Variants in CACNA2D3 observed in about 807,000 individuals in gnomAD.
CACNA2D3 encodes the protein calcium voltage-gated channel auxiliary subunit alpha2delta 3, also known as voltage-dependent calcium channel subunit alpha-2/delta-3.
CACNA2D3 carries 60 observed loss-of-function variants against 160.6 expected under a neutral mutation model. The ratio of observed to expected loss-of-function variants is 0.37; its 90% confidence interval spans 0.30 to 0.46. The LOEUF (loss-of-function observed/expected upper bound fraction) is 0.46. CACNA2D3 is among the 20% of genes least tolerant of loss of function. The probability of loss-of-function intolerance (pLI) is 1.00; values close to 1 mark genes in which losing one functional copy is unlikely to be tolerated. For missense variants in CACNA2D3, 1,205 were observed against 1,365.0 expected, an observed-to-expected ratio of 0.88 and a Z score of 1.85; for synonymous variants, 558 against 492.9, an observed-to-expected ratio of 1.13 and a Z score of -1.75.
At chr3:54,466,218 C>T (rs1700623225) in intron 4 of CACNA2D3, among the ~76,000 whole-genome samples, 1 of 152,172 alleles carries the variant, frequency 6.6e-6, no homozygotes, top group Admixed American at 6.5e-5. Flanking sequence ...GGATAGGAAT[C>T]TTGGATGGGA....
chr3:54,813,770 C>T (rs764632587), intron 13 of CACNA2D3, among the ~76,000 whole-genome samples: 6 of 151,674 alleles, frequency 4.0e-5, no homozygotes, highest in Non-Finnish European at 5.9e-5. Context: ...TACATAGTCA[C>T]TAGAGTTGTG....
At chr3:54,421,304 A>G (rs1699833213) in intron 4 of CACNA2D3, among the ~76,000 whole-genome samples, 1 of 152,204 alleles carries the variant, frequency 6.6e-6, no homozygotes, top group Non-Finnish European at 1.5e-5. Flanking sequence ...TTGCAAAAGA[A>G]ATGTTCTAGA....
intron 11 of CACNA2D3, among the ~76,000 whole-genome samples, chr3:54,731,383 G>T (rs1020371801): frequency 6.6e-6 from 1 of 152,114 alleles, no homozygotes; most frequent in Non-Finnish European, 1.5e-5. Context: ...AGGTTCTTCA[G>T]ACCCTCATAC....
intron 11 of CACNA2D3, among the ~76,000 whole-genome samples, chr3:54,700,497 G>T (rs1700748589): frequency 1.3e-5 from 2 of 152,220 alleles, no homozygotes; most frequent in Admixed American, 6.5e-5. Context: ...TGACAACCAT[G>T]TCAGCACAAA....
At chr3:54,511,584 A>G (rs1354421251) in intron 5 of CACNA2D3, among the ~76,000 whole-genome samples, 1 of 152,134 alleles carries the variant, frequency 6.6e-6, no homozygotes, top group Non-Finnish European at 1.5e-5. Context: ...TCAGGATCTA[A>G]TTTGTTTGTA....
intron 17 of CACNA2D3, among the ~76,000 whole-genome samples, chr3:54,867,279 G>A (rs1447387689): frequency 6.6e-6 from 1 of 152,122 alleles, no homozygotes. Context: ...ACTCATGGGG[G>A]TGAGGGGCGA....
intron 2 of CACNA2D3, among the ~76,000 whole-genome samples, chr3:54,129,927 A>G (rs9849746): frequency 0.83 from 126,215 of 152,176 alleles, 52,705 homozygotes; most frequent in East Asian, 0.98. Flanking sequence ...GTCCTCTTGG[A>G]TGTTAGAGAG....
chr3:54,382,688 G>T (rs1455040775), intron 3 of CACNA2D3, among the ~76,000 whole-genome samples: 1 of 152,222 alleles, frequency 6.6e-6, no homozygotes, highest in Non-Finnish European at 1.5e-5. Flanking sequence ...GGAGGCTGAG[G>T]CAGGAGAATA....
chr3:54,245,711 C>T (rs543206677), intron 2 of CACNA2D3, among the ~76,000 whole-genome samples: 1 of 152,148 alleles, frequency 6.6e-6, no homozygotes, highest in Non-Finnish European at 1.5e-5. Context: ...ACGATCTCCC[C>T]CAGTCTCTCA....
At chr3:55,033,430 C>T (rs1703719832) in intron 35 of CACNA2D3, among the ~76,000 whole-genome samples, 1 of 151,722 alleles carries the variant, frequency 6.6e-6, no homozygotes, top group South Asian at 2.1e-4. Flanking sequence ...TGTCCCTCTC[C>T]TTGCATAGAT....
intron 27 of CACNA2D3, among the ~76,000 whole-genome samples, chr3:54,937,818 C>T (rs1008292198): frequency 2.0e-5 from 3 of 151,946 alleles, no homozygotes; most frequent in East Asian, 1.9e-4. Context: ...TAGCAGAAGG[C>T]GGGCATGATC....
intron 2 of CACNA2D3, among the ~76,000 whole-genome samples, chr3:54,305,760 G>GA (rs1257655507): frequency 6.6e-6 from 1 of 152,100 alleles, no homozygotes; most frequent in Non-Finnish European, 1.5e-5. Flanking sequence ...ATATAGATGA[G>GA]AAAAAAATGA....
chr3:54,849,657 C>T (rs1210138858), intron 17 of CACNA2D3, among the ~76,000 whole-genome samples: 1 of 152,158 alleles, frequency 6.6e-6, no homozygotes, highest in East Asian at 1.9e-4. Context: ...CCATTTGTCT[C>T]CTCGCAAGCC....
chr3:54,438,862 T>C (rs1304125491), intron 4 of CACNA2D3, among the ~76,000 whole-genome samples: 1 of 152,212 alleles, frequency 6.6e-6, no homozygotes, highest in African/African-American at 2.4e-5. Context: ...ATTTTTACTT[T>C]GGTAGAATAT....
At chr3:55,014,043 C>T (rs558038932) in intron 34 of CACNA2D3, among the ~76,000 whole-genome samples, 1 of 152,250 alleles carries the variant, frequency 6.6e-6, no homozygotes, top group East Asian at 1.9e-4. Flanking sequence ...GGGCCAGGCT[C>T]GCATCTGGAC....
chr3:55,037,840 T>C (rs907079854), intron 35 of CACNA2D3, among the ~76,000 whole-genome samples: 1 of 152,218 alleles, frequency 6.6e-6, no homozygotes, highest in African/African-American at 2.4e-5. Flanking sequence ...CCTGCCGTTT[T>C]TAGATGAAAG....
At chr3:54,462,202 T>A (rs945352208) in intron 4 of CACNA2D3, among the ~76,000 whole-genome samples, 2 of 152,206 alleles carry the variant, frequency 1.3e-5, no homozygotes, top group African/African-American at 4.8e-5. Context: ...TCCCAGTATG[T>A]GGTCCATTTT....
chr3:54,521,882 C>T (rs773616335), intron 5 of CACNA2D3, among the ~76,000 whole-genome samples: 7 of 152,162 alleles, frequency 4.6e-5, no homozygotes, highest in Non-Finnish European at 8.8e-5. Context: ...GGACACACAG[C>T]TTTATTTCTG....
rs149720409 is a variant in CACNA2D3 at position 54,770,954 on chromosome 3, G to A, written c.1380+6603G>A. On this transcript the variant is annotated intron_variant, in intron 13 of 37. Transcript: ENST00000474759. The stretch of plus-strand genomic sequence containing the variant: ...GGGCAAAGCAACCATAAAAAACTAG[G>A]GAGAAAAAAAACATCTTCCTTGCAT... Among the ~76,000 whole-genome samples, 274 of 151,996 alleles carry A rather than the reference G, an allele frequency of 1.8e-3. 2 individuals are homozygous for A. Among genetic ancestry groups the A allele is most frequent in the African/African-American group, 5.9e-3 (246 of 41,482 alleles).
Sources: allele counts gnomAD v4.1 joint callset (sites outside exome capture counted in the v4.1 genomes callset), GRCh38; gene constraint gnomAD v4.1.1; transcripts MANE v1.5; gene names NCBI Gene and HGNC (gene_info 2026-07-23, HGNC 2026-07-21).